The following SLC25A12 variants were observed in gnomAD, a reference collection of about 807,000 sequenced individuals.
SLC25A12 encodes electrogenic aspartate/glutamate antiporter SLC25A12, mitochondrial.
In SLC25A12, 32 loss-of-function variants were observed where a neutral mutation model predicts 83.3. The ratio of observed to expected loss-of-function variants is 0.38; its 90% CI spans 0.29 to 0.52. The LOEUF is 0.52. Ranked by LOEUF, SLC25A12 falls within the 20% of genes least tolerant of loss-of-function variation. The pLI, the probability that SLC25A12 is intolerant of heterozygous loss-of-function variation, is 0.84. For missense variants in SLC25A12, 611 were observed against 835.6 expected (o/e 0.73, Z 3.31); for synonymous variants, 267 against 291.1 (o/e 0.92, Z 0.84).
At chr2:171,828,169 T>A (rs1266562062) in intron 8 of SLC25A12, among the ~76,000 whole-genome samples, 1 of 152,224 alleles carries the variant, frequency 6.6e-6, no homozygotes, top group East Asian at 1.9e-4. Flanking sequence ...TCCTTGGTAA[T>A]TGAGGGCAAC....
intron 2 of SLC25A12, among the ~76,000 whole-genome samples, chr2:171,879,898 A>G (rs975768723): frequency 6.6e-6 from 1 of 152,202 alleles, no homozygotes; most frequent in Non-Finnish European, 1.5e-5. Context: ...CAATGTATGA[A>G]TCTAGCTTGG....
intron 13 of SLC25A12, among the ~76,000 whole-genome samples, chr2:171,805,212 G>A (rs559045490): frequency 2.0e-5 from 3 of 151,822 alleles, no homozygotes; most frequent in South Asian, 2.1e-4. Flanking sequence ...GGGTTCAAGC[G>A]ATTCTCCTAC....
intron 17 of SLC25A12, among the ~76,000 whole-genome samples, chr2:171,786,630 GA>G (rs1466764451): frequency 6.6e-5 from 10 of 152,130 alleles, no homozygotes; most frequent in Admixed American, 1.3e-4. Context: ...GTCTTCTGCT[GA>G]AAAGCTAATA....
In SLC25A12 at chr2:171,834,955, G is replaced by A. The variant is rs139243715; in HGVS notation, c.613-90C>T. 9.1e-4 allele frequency: 1,272 copies of A among 1,390,364 alleles called. 8 individuals carry two copies. In the Middle Eastern group the frequency reaches 0.017, roughly 18 times the overall value. 86.1% of individuals were successfully genotyped at this position (1,390,364 alleles called of 1,614,324 possible). A position where few individuals can be genotyped will look rare whatever the true frequency, so the allele number is the denominator to read the frequency against. ...GTACTTTTCTCAAAGAGGATCCAAA[G>A]GAGTCTTCACTGTTAAAATGATGTT... is the stretch of plus-strand genomic sequence containing the variant. On this transcript the variant is annotated intron_variant, in intron 6 of 17. Transcript: ENST00000422440.
At chr2:171,856,331 T>A (rs1419469946) in intron 3 of SLC25A12, among the ~76,000 whole-genome samples, 1 of 152,164 alleles carries the variant, frequency 6.6e-6, no homozygotes, top group Non-Finnish European at 1.5e-5. Flanking sequence ...TTTAGCAGCA[T>A]CCCTGGCCTC....
At chr2:171,884,731 C>A (rs182303093) in intron 2 of SLC25A12, among the ~76,000 whole-genome samples, 1 of 149,922 alleles carries the variant, frequency 6.7e-6, no homozygotes, top group East Asian at 2.1e-4. Context: ...GCTGAGACTG[C>A]GCCATTGCAC....
chr2:171,811,037 C>T lies in SLC25A12; in HGVS notation c.1172-761G>A, dbSNP rs115276170. Among the ~76,000 whole-genome samples the T allele has an allele frequency of 9.8e-3, 1,493 of 152,340 alleles. 9 individuals are homozygous for T. The highest frequency in any genetic ancestry group is 0.014 in the Non-Finnish European group (983 of 68,038). The stretch of plus-strand genomic sequence containing the variant: ...AAGAAAAAAATAAACAATTCAACAT[C>T]TGTTGGGCTCAGCTTTCTAAAGCAC... On this transcript the variant is annotated intron_variant, in intron 11 of 17. Transcript: ENST00000422440.
Position 171,793,656 on chromosome 2 carries a change from G to A in SLC25A12, c.1417C>T (p.Arg473Trp), listed in dbSNP as rs483352725. Reference sequence around the variant, plus strand: ...TACAGACCAAAAATTCCCAAGTCCCGGAGCACATTCAGGGCGCTGACTCTG... The same window carrying A: ...TACAGACCAAAAATTCCCAAGTCCCAGAGCACATTCAGGGCGCTGACTCTG... ...GPRVSALNVL[R>W]DLGIFGLYKG... Residue 473 changes from arginine (R) to tryptophan (W), a missense_variant, in exon 14 of 18, where the codon CGG becomes TGG. Arg to Trp is a moderately radical substitution (Grantham distance 101). Coordinates refer to ENST00000422440, the MANE Select transcript of SLC25A12 (RefSeq NM_003705.5). 12 of 1,613,908 alleles carry A rather than the reference G, an allele frequency of 7.4e-6. No homozygotes were observed. The highest frequency in any genetic ancestry group is 2.7e-5 in the African/African-American group (2 of 74,860).
chr2:171,785,206 A>G lies in SLC25A12; in HGVS notation c.*68T>C. The G allele has an allele frequency of 6.9e-7, 1 of 1,443,594 alleles. No individual in the cohort carries two copies. The highest frequency in any genetic ancestry group is 9.7e-7 in the Non-Finnish European group (1 of 1,027,162). 89.4% of individuals were successfully genotyped at this position (1,443,594 alleles called of 1,614,324 possible). The stretch of plus-strand genomic sequence containing the variant: ...CAGTACCATGCAGCTGACTGGATAC[A>G]TTACAGGGCTGCTCTCCTAGGCCTC... On this transcript the variant is annotated 3_prime_UTR_variant, in exon 18 of 18. Transcript: ENST00000422440.
chr2:171,835,656 G>A (rs1026857092), intron 6 of SLC25A12, among the ~76,000 whole-genome samples: 1 of 152,334 alleles, frequency 6.6e-6, no homozygotes, highest in South Asian at 2.1e-4. Context: ...CCAGAAGTCA[G>A]AGGAACCCAT....
intron 15 of SLC25A12, chr2:171,788,594 C>A (rs145638210): frequency 0.018 from 2,750 of 153,798 alleles, 52 homozygotes; most frequent in Admixed American, 0.066. Context: ...TCCCTGGGGT[C>A]ATGTTGAGAT....
chr2:171,866,495 TG>T (rs1269166850), intron 3 of SLC25A12, among the ~76,000 whole-genome samples: 5 of 138,646 alleles, frequency 3.6e-5, no homozygotes, highest in South Asian at 2.4e-4. Flanking sequence ...ACGGGGTGGC[TG>T]GCCGGGCAGA....
At chr2:171,821,880 G>A (rs1370015307) in intron 9 of SLC25A12, among the ~76,000 whole-genome samples, 1 of 152,108 alleles carries the variant, frequency 6.6e-6, no homozygotes, top group African/African-American at 2.4e-5. Flanking sequence ...CTGGTGTTCT[G>A]TACTATTCAC....
At chr2:171,874,484 T>C (rs114136473) in intron 2 of SLC25A12, among the ~76,000 whole-genome samples, 3,792 of 152,342 alleles carry the variant, frequency 0.025, 59 homozygotes, top group Middle Eastern at 0.041. Flanking sequence ...GCTTCTTTGT[T>C]TCATTAACAG....
chr2:171,837,851 A>G (rs1684589736), intron 5 of SLC25A12, among the ~76,000 whole-genome samples: 1 of 152,236 alleles, frequency 6.6e-6, no homozygotes, highest in African/African-American at 2.4e-5. Flanking sequence ...CAGGAATAAC[A>G]AACTGCAAAA....
chr2:171,879,869 G>A (rs748174414), intron 2 of SLC25A12, among the ~76,000 whole-genome samples: 7 of 152,142 alleles, frequency 4.6e-5, no homozygotes, highest in Non-Finnish European at 8.8e-5. Context: ...AAAGATCTAA[G>A]AAACAGATCA....
intron 9 of SLC25A12, among the ~76,000 whole-genome samples, chr2:171,826,046 T>A (rs1284711072): frequency 1.3e-5 from 2 of 152,242 alleles, no homozygotes; most frequent in African/African-American, 4.8e-5. Context: ...CTAATTACTT[T>A]TTTTTTCCTG....
intron 1 of SLC25A12, among the ~76,000 whole-genome samples, chr2:171,893,701 C>T (rs949318508): frequency 3.3e-5 from 5 of 152,288 alleles, no homozygotes; most frequent in African/African-American, 7.2e-5. Context: ...GTCCCTCTCC[C>T]CATCCAACCT....
chr2:171,819,857 AATAAAG>A (rs1193007141), intron 9 of SLC25A12, among the ~76,000 whole-genome samples: 3 of 152,188 alleles, frequency 2.0e-5, no homozygotes, highest in Admixed American at 1.3e-4. Flanking sequence ...CTATACACAA[AATAAAG>A]ATAAAAGTAA....
Sources: allele counts gnomAD v4.1 joint callset (sites outside exome capture counted in the v4.1 genomes callset), GRCh38; gene constraint gnomAD v4.1.1; transcripts MANE v1.5; gene names NCBI Gene and HGNC (gene_info 2026-07-23, HGNC 2026-07-21).